The following PDE1C variants were observed in gnomAD, a reference collection of about 807,000 sequenced individuals.
The protein encoded by PDE1C is phosphodiesterase 1C, also known as dual specificity calcium/calmodulin-dependent 3',5'-cyclic nucleotide phosphodiesterase 1C.
In PDE1C, 62 loss-of-function variants were observed where a neutral mutation model predicts 93.1. The observed-to-expected ratio is 0.67, with a 90% CI of 0.54 to 0.82. The LOEUF (loss-of-function observed/expected upper bound fraction) is 0.82, where lower values mean the gene tolerates loss of function less well. Ranked by LOEUF, PDE1C falls within the 40% of genes least tolerant of loss-of-function variation. The pLI, the probability that PDE1C is intolerant of heterozygous loss-of-function variation, is 0.00. For missense variants in PDE1C, 742 were observed against 884.6 expected (o/e 0.84, Z 2.04); for synonymous variants, 325 against 310.1 (o/e 1.05, Z -0.50).
Position 31,809,238 on chromosome 7 carries a change from T to G in PDE1C, c.1814-130A>C, listed in dbSNP as rs1216673135. On this transcript the variant is annotated intron_variant, in intron 15 of 17. Transcript: ENST00000396191. ...AGTCATAAGAGTGTATGTGTCTGAGTGTAAATATCTTTTGTAATCACGTTA... is the reference window on the plus strand; with the variant it reads ...AGTCATAAGAGTGTATGTGTCTGAGGGTAAATATCTTTTGTAATCACGTTA... 5 of 563,598 alleles carry G rather than the reference T, an allele frequency of 8.9e-6. No individual in the cohort carries two copies. In the Admixed American group the frequency reaches 1.5e-4, roughly 17 times the overall value. The allele number at this position is 563,598 out of a possible 1,614,324, so 34.9% of individuals were successfully genotyped here.
intron 2 of PDE1C, among the ~76,000 whole-genome samples, chr7:32,036,507 C>G (rs1157949328): frequency 6.6e-6 from 1 of 151,988 alleles, no homozygotes; most frequent in Admixed American, 6.6e-5. Flanking sequence ...ATAACACAAT[C>G]AACAGAAAAA....
chr7:31,921,902 T>C (rs1297490724), intron 2 of PDE1C, among the ~76,000 whole-genome samples: 2 of 152,228 alleles, frequency 1.3e-5, no homozygotes, highest in African/African-American at 4.8e-5. Flanking sequence ...CATAAGTATT[T>C]TATACACTTA....
chr7:32,311,654 C>T (rs1783043795), intron 1 of PDE1C, among the ~76,000 whole-genome samples: 1 of 151,996 alleles, frequency 6.6e-6, no homozygotes, highest in Admixed American at 6.6e-5. Context: ...AGATAAAAAC[C>T]ACATGATTAT....
intron 1 of PDE1C, among the ~76,000 whole-genome samples, chr7:32,407,732 A>T (rs215742): frequency 2.6e-5 from 4 of 152,004 alleles, no homozygotes; most frequent in Non-Finnish European, 5.9e-5. Flanking sequence ...ATTTTAGATG[A>T]AGTGTCTATT....
At chr7:32,260,261 C>G (rs1463628227) in intron 1 of PDE1C, among the ~76,000 whole-genome samples, 1 of 152,230 alleles carries the variant, frequency 6.6e-6, no homozygotes, top group East Asian at 1.9e-4. Context: ...ATGAGCAAAT[C>G]AGTCAACAGT....
At chr7:31,860,280 G>C (rs2128824767) in intron 7 of PDE1C, among the ~76,000 whole-genome samples, 1 of 152,222 alleles carries the variant, frequency 6.6e-6, no homozygotes, top group Non-Finnish European at 1.5e-5. Flanking sequence ...AGTGCTACTG[G>C]CATCTCGTGA....
intron 2 of PDE1C, among the ~76,000 whole-genome samples, chr7:31,900,592 G>A (rs1436021129): frequency 6.6e-6 from 1 of 151,088 alleles, no homozygotes; most frequent in African/African-American, 2.4e-5. Context: ...AAATGTACTA[G>A]ATATCCAATA....
At chr7:32,106,529 T>G (rs11772015) in intron 3 of PDE1C, among the ~76,000 whole-genome samples, 1 of 151,930 alleles carries the variant, frequency 6.6e-6, no homozygotes, top group African/African-American at 2.4e-5. Flanking sequence ...AAAAAACTAC[T>G]ACCCTCCATA....
the PDE1C span, among the ~76,000 whole-genome samples, chr7:31,635,374 G>A: frequency 3.9e-5 from 6 of 152,298 alleles, no homozygotes; most frequent in East Asian, 1.9e-4. Flanking sequence ...CGATTGACAT[G>A]CAGGCATTTC....
the PDE1C span, among the ~76,000 whole-genome samples, chr7:31,717,993 T>C: frequency 6.6e-6 from 1 of 152,124 alleles, no homozygotes; most frequent in Non-Finnish European, 1.5e-5. Context: ...GATGATTTAA[T>C]ACAAGGATAT....
chr7:32,205,442 G>T (rs564321365), intron 2 of PDE1C, among the ~76,000 whole-genome samples: 1 of 152,118 alleles, frequency 6.6e-6, no homozygotes, highest in African/African-American at 2.4e-5. Context: ...CTGGCTAAAG[G>T]TTTGTAAATG....
At chr7:31,688,422 A>G in the PDE1C span, among the ~76,000 whole-genome samples, 1 of 152,344 alleles carries the variant, frequency 6.6e-6, no homozygotes, top group Non-Finnish European at 1.5e-5. Context: ...AAACCGCTCA[A>G]TGATAAGAGA....
At chr7:32,416,489 G>T (rs1785279405) in intron 1 of PDE1C, among the ~76,000 whole-genome samples, 2 of 152,178 alleles carry the variant, frequency 1.3e-5, no homozygotes, top group African/African-American at 4.8e-5. Context: ...CATTTTGATG[G>T]CCATTTCACA....
intron 17 of PDE1C, among the ~76,000 whole-genome samples, chr7:31,771,774 G>A (rs917040423): frequency 3.3e-5 from 5 of 152,070 alleles, no homozygotes; most frequent in African/African-American, 1.2e-4. Flanking sequence ...TTTGTTGCCT[G>A]TGACATTTTG....
At chr7:31,990,822 G>GA (rs1197401001) in intron 2 of PDE1C, among the ~76,000 whole-genome samples, 4 of 151,956 alleles carry the variant, frequency 2.6e-5, no homozygotes, top group Non-Finnish European at 4.4e-5. Context: ...CAAGATACAG[G>GA]AAAAAAATGA....
chr7:31,738,240 C>T, the PDE1C span, among the ~76,000 whole-genome samples: 2 of 152,108 alleles, frequency 1.3e-5, no homozygotes, highest in Admixed American at 6.5e-5. Context: ...TCTGTTCTCA[C>T]GCTGCTAATA....
At chr7:31,787,742 C>A (rs2128652714) in intron 16 of PDE1C, 1 of 152,284 alleles carries the variant, frequency 6.6e-6, no homozygotes, top group Middle Eastern at 3.4e-3. Flanking sequence ...TGCTGCTCAA[C>A]TTGAAGAAAG....
At chr7:32,394,689 T>C (rs1019818182) in intron 1 of PDE1C, among the ~76,000 whole-genome samples, 1 of 152,208 alleles carries the variant, frequency 6.6e-6, no homozygotes, top group African/African-American at 2.4e-5. Flanking sequence ...GCACCTATAG[T>C]GCCAGCTAAT....
At chr7:32,164,317 A>G (rs1368189780) in intron 3 of PDE1C, among the ~76,000 whole-genome samples, 1 of 152,244 alleles carries the variant, frequency 6.6e-6, no homozygotes, top group Non-Finnish European at 1.5e-5. Context: ...ATTTAGTGCA[A>G]TAGAATAGGG....
Sources: gnomAD v4.1 joint callset for allele counts (sites outside exome capture counted in the v4.1 genomes callset) on GRCh38, gnomAD v4.1.1 for gene constraint, MANE v1.5 for transcripts, NCBI Gene and HGNC (gene_info 2026-07-23, HGNC 2026-07-21) for gene names.